The following KIRREL1 variants were observed in gnomAD, a reference collection of about 807,000 sequenced individuals.
The protein encoded by KIRREL1 is kin of IRRE-like protein 1.
Under a neutral mutation model 83.3 loss-of-function variants are expected in KIRREL1, and 25 were observed. The ratio of observed to expected loss-of-function variants is 0.30; its 90% confidence interval spans 0.22 to 0.42. KIRREL1 has a LOEUF of 0.42. Among genes scored for constraint, KIRREL1 ranks in the 10% least tolerant of loss-of-function variants. KIRREL1 has a pLI of 1.00. For missense variants in KIRREL1, 812 were observed against 1,032.3 expected (o/e 0.79, Z 2.92); for synonymous variants, 388 against 410.4 (o/e 0.95, Z 0.66).
At chr1:158,033,656 A>G (rs1660389331) in intron 1 of KIRREL1, among the ~76,000 whole-genome samples, 1 of 152,262 alleles carries the variant, frequency 6.6e-6, no homozygotes. Flanking sequence ...CCTTGACTAC[A>G]TATCATGGAG....
chr1:158,055,278 GT>G lies in KIRREL1; in HGVS notation c.53-20834del, dbSNP rs1661023328. Among the ~76,000 whole-genome samples the G allele has an allele frequency of 5.3e-5, 8 of 152,094 alleles. No homozygotes were observed. In the South Asian group the frequency reaches 1.7e-3, roughly 32 times the overall value. On this transcript the variant is annotated intron_variant, in intron 1 of 14. Transcript: ENST00000359209. ...GAGCTCCTAGAGCCTGACTTTCGCT[GT>G]CATGATTAACAGCTGTTTGCATCTT...
intron 1 of KIRREL1, among the ~76,000 whole-genome samples, chr1:158,042,255 C>T (rs1050025885): frequency 4.4e-5 from 6 of 137,056 alleles, no homozygotes; most frequent in Admixed American, 2.1e-4. Flanking sequence ...GTGTGTGTGA[C>T]TCAGACCTGG....
chr1:158,062,845 C>T (rs569900455), intron 1 of KIRREL1, among the ~76,000 whole-genome samples: 28 of 152,358 alleles, frequency 1.8e-4, no homozygotes, highest in African/African-American at 6.0e-4. Context: ...CTTCCACTTT[C>T]GTCTTTCTGA....
intron 11 of KIRREL1, among the ~76,000 whole-genome samples, chr1:158,091,819 T>C (rs778167281): frequency 1.1e-4 from 17 of 152,218 alleles, no homozygotes; most frequent in Non-Finnish European, 2.2e-4. Context: ...CTGGCCTCCA[T>C]GCTCAACTGG....
At position 158,088,062 on chromosome 1, in the gene KIRREL1, A is replaced by G. The variant is rs925768473; in HGVS notation, c.824A>G (p.Asn275Ser). The G allele has an allele frequency of 1.2e-5, 20 of 1,614,070 alleles. No individual in the cohort carries two copies. The highest frequency in any genetic ancestry group is 1.2e-4 in the Admixed American group (7 of 60,008). Reference protein sequence around the residue: ...EDAHESRYETNVDYSFFTEPV... With the variant: ...EDAHESRYETSVDYSFFTEPV... ...GCCCACGAGAGTCGCTATGAGACAA[A>G]TGTGGATTATTCCTTTTTCACGGAG... Residue 275 changes from asparagine to serine, a missense_variant, in exon 7 of 15, where the codon AAT becomes AGT. Transcript: ENST00000359209.
At chr1:157,996,404 A>C (rs986979769) in intron 1 of KIRREL1, among the ~76,000 whole-genome samples, 4 of 152,058 alleles carry the variant, frequency 2.6e-5, no homozygotes, top group Admixed American at 2.0e-4. Context: ...GATTATAGCT[A>C]ATCAGAGCAA....
At chr1:158,034,414 C>G (rs1660420436) in intron 1 of KIRREL1, among the ~76,000 whole-genome samples, 1 of 151,966 alleles carries the variant, frequency 6.6e-6, no homozygotes, top group African/African-American at 2.4e-5. Context: ...TTCTTTATAT[C>G]TCTGAAACCC....
intron 8 of KIRREL1, among the ~76,000 whole-genome samples, chr1:158,089,125 A>G (rs772808679): frequency 1.3e-5 from 2 of 152,178 alleles, no homozygotes; most frequent in African/African-American, 2.4e-5. Flanking sequence ...AGCTCTGCAG[A>G]GACCCCCATT....
intron 1 of KIRREL1, among the ~76,000 whole-genome samples, chr1:158,045,592 T>G (rs1660758006): frequency 6.6e-6 from 1 of 152,218 alleles, no homozygotes; most frequent in Non-Finnish European, 1.5e-5. Context: ...CCTCTCCCTG[T>G]GGAATCAAGA....
chr1:158,006,474 A>G (rs1659522212), intron 1 of KIRREL1, among the ~76,000 whole-genome samples: 1 of 152,236 alleles, frequency 6.6e-6, no homozygotes, highest in African/African-American at 2.4e-5. Context: ...AGCTCCTTGT[A>G]ATAGAGAAGC....
At chr1:158,076,087 A>T (rs1455204204) in intron 1 of KIRREL1, 26 bp from the exon 2 acceptor site, 3 of 1,609,374 alleles carry the variant, frequency 1.9e-6, no homozygotes. Flanking sequence ...TACTCATCTT[A>T]CCCAGTGCTG....
chr1:158,039,431 T>G (rs1195965512), intron 1 of KIRREL1, among the ~76,000 whole-genome samples: 10 of 152,156 alleles, frequency 6.6e-5, no homozygotes, highest in African/African-American at 2.4e-4. Context: ...ATTTGGCCAG[T>G]AGAGAAAACA....
chr1:158,014,268 A>G (rs562312863), intron 1 of KIRREL1, among the ~76,000 whole-genome samples: 1 of 152,254 alleles, frequency 6.6e-6, no homozygotes, highest in Non-Finnish European at 1.5e-5. Context: ...ACTTTTATTT[A>G]AAATCAGAGA....
intron 1 of KIRREL1, among the ~76,000 whole-genome samples, chr1:158,041,657 T>C (rs1226438382): frequency 6.6e-6 from 1 of 152,220 alleles, no homozygotes; most frequent in Non-Finnish European, 1.5e-5. Context: ...GCTTGGGCTT[T>C]CCCACCTCTC....
At chr1:158,039,352 T>A (rs548482664) in intron 1 of KIRREL1, among the ~76,000 whole-genome samples, 1 of 152,374 alleles carries the variant, frequency 6.6e-6, no homozygotes, top group African/African-American at 2.4e-5. Context: ...TGTATCAAAT[T>A]GCCAACAGTA....
chr1:158,056,966 G>T lies in KIRREL1; in HGVS notation c.53-19147G>T, dbSNP rs143857299. The stretch of plus-strand genomic sequence containing the variant: ...GGAGGTGCCATATCCCAGCATCTTT[G>T]CCACTCCCATCTCCTTCTTCCAAAC... On this transcript the variant is annotated intron_variant, in intron 1 of 14. Coordinates refer to ENST00000359209, the MANE Select transcript of KIRREL1 (RefSeq NM_018240.7). 9.3e-4 allele frequency among the ~76,000 whole-genome samples: 142 copies of T among 152,216 alleles called. 1 individual carries two copies. The highest frequency in any genetic ancestry group is 3.2e-3 in the African/African-American group (132 of 41,540).
chr1:158,085,320 T>A (rs1340760145), intron 4 of KIRREL1, among the ~76,000 whole-genome samples: 1 of 152,210 alleles, frequency 6.6e-6, no homozygotes, highest in East Asian at 1.9e-4. Flanking sequence ...GAGACAGAGA[T>A]GTTCCCATGC....
At chr1:158,006,985 G>A (rs1349165853) in intron 1 of KIRREL1, among the ~76,000 whole-genome samples, 1 of 152,214 alleles carries the variant, frequency 6.6e-6, no homozygotes, top group African/African-American at 2.4e-5. Context: ...TGTAAGCAGA[G>A]AGAGGAGGGG....
rs2101642125 is a variant in KIRREL1 at position 158,089,642 on chromosome 1, C to G, written c.1171+14C>G. ...TCTATGTGAACGGTGAGTGAGTGGC[C>G]TGAGAGGCAGCCGGGCCTGGGCGGG... On this transcript the variant is annotated intron_variant, in intron 9 of 14. Transcript: ENST00000359209. 1.2e-6 allele frequency: 2 copies of G among 1,613,198 alleles called. No homozygotes were observed. Among genetic ancestry groups the G allele is most frequent in the East Asian group, 4.5e-5 (2 of 44,844 alleles).
Sources: gnomAD v4.1 joint callset for allele counts (sites outside exome capture counted in the v4.1 genomes callset) on GRCh38, gnomAD v4.1.1 for gene constraint, MANE v1.5 for transcripts, NCBI Gene and HGNC (gene_info 2026-07-23, HGNC 2026-07-21) for gene names.